CDH18: variants seen among roughly 807,000 people sequenced by gnomAD.
The protein encoded by CDH18 is cadherin 18.
CDH18 carries 31 observed loss-of-function variants against 67.9 expected under a neutral mutation model. The ratio of observed to expected loss-of-function variants is 0.46; its 90% CI spans 0.34 to 0.62. The LOEUF (loss-of-function observed/expected upper bound fraction) is 0.62. Ranked by LOEUF, CDH18 falls within the 20% of genes least tolerant of loss-of-function variation. CDH18 has a pLI of 0.01. For missense variants in CDH18, 890 were observed against 975.5 expected, an observed-to-expected ratio of 0.91 and a Z score of 1.17; for synonymous variants, 362 against 347.2, an observed-to-expected ratio of 1.04 and a Z score of -0.48.
At chr5:19,993,879 A>C (rs907715472) in intron 2 of CDH18, among the ~76,000 whole-genome samples, 3 of 152,062 alleles carry the variant, frequency 2.0e-5, no homozygotes, top group African/African-American at 7.2e-5. Flanking sequence ...ATTTACGTAA[A>C]TTTTCATGTT....
chr5:19,579,143 C>T (rs80331386), intron 7 of CDH18, among the ~76,000 whole-genome samples: 2,711 of 152,016 alleles, frequency 0.018, 86 homozygotes, highest in African/African-American at 0.062. Context: ...TTATCTATCA[C>T]AGACTGAAAT....
At chr5:19,833,360 A>C (rs1344150048) in intron 3 of CDH18, among the ~76,000 whole-genome samples, 1 of 152,090 alleles carries the variant, frequency 6.6e-6, no homozygotes, top group Non-Finnish European at 1.5e-5. Context: ...TGATGTTTGC[A>C]TATCGATTTT....
At chr5:19,961,959 TA>T in intron 2 of CDH18, among the ~76,000 whole-genome samples, 1 of 152,078 alleles carries the variant, frequency 6.6e-6, no homozygotes, top group East Asian at 1.9e-4. Context: ...GTTTTTTAAA[TA>T]AAATTTGGAA....
At chr5:20,089,930 A>G (rs1017920828) in intron 2 of CDH18, among the ~76,000 whole-genome samples, 1 of 152,290 alleles carries the variant, frequency 6.6e-6, no homozygotes, top group Admixed American at 6.5e-5. Context: ...TTCTATTAAT[A>G]TCTTCTACAA....
At chr5:20,113,060 C>A in intron 2 of CDH18, among the ~76,000 whole-genome samples, 1 of 152,292 alleles carries the variant, frequency 6.6e-6, no homozygotes, top group East Asian at 1.9e-4. Flanking sequence ...AGACCCAGTT[C>A]TTTAGTTCTA....
chr5:20,441,904 A>G (rs1186573673), intron 1 of CDH18, among the ~76,000 whole-genome samples: 1 of 151,670 alleles, frequency 6.6e-6, no homozygotes, highest in Non-Finnish European at 1.5e-5. Context: ...TAAAATGATT[A>G]TTAAAAATAA....
At chr5:20,499,795 G>A (rs1022659789) in intron 1 of CDH18, among the ~76,000 whole-genome samples, 4 of 152,094 alleles carry the variant, frequency 2.6e-5, no homozygotes, top group Non-Finnish European at 4.4e-5. Flanking sequence ...ATCAATAAAT[G>A]TTCACGTGTG....
rs149545337 is a variant in CDH18 at position 19,731,280 on chromosome 5, T to C, written c.524-9814A>G. On this transcript the variant is annotated intron_variant, in intron 4 of 12. Coordinates refer to ENST00000382275, the MANE Select transcript of CDH18 (RefSeq NM_004934.5). Reference sequence around the variant, plus strand: ...CTGGCTAACATGGTGAAACCCTGTCTCTACTAAAAATACAAAAAAAATTAG... The same window carrying C: ...CTGGCTAACATGGTGAAACCCTGTCCCTACTAAAAATACAAAAAAAATTAG... Among the ~76,000 whole-genome samples, 1,448 of 152,100 alleles carry C rather than the reference T, an allele frequency of 9.5e-3. 25 individuals are homozygous for C. The highest frequency in any genetic ancestry group is 0.033 in the African/African-American group (1,370 of 41,482).
chr5:20,082,456 A>G (rs928424272), intron 2 of CDH18, among the ~76,000 whole-genome samples: 1 of 152,184 alleles, frequency 6.6e-6, no homozygotes, highest in Non-Finnish European at 1.5e-5. Flanking sequence ...ATTTTTTTCT[A>G]GTTATTAAGC....
At chr5:19,479,857 T>C (rs1739107744) in intron 12 of CDH18, among the ~76,000 whole-genome samples, 2 of 152,294 alleles carry the variant, frequency 1.3e-5, no homozygotes, top group South Asian at 2.1e-4. Flanking sequence ...ACATATCATA[T>C]AGTAACTTTA....
chr5:20,368,278 T>C (rs1262700555), intron 1 of CDH18, among the ~76,000 whole-genome samples: 2 of 152,226 alleles, frequency 1.3e-5, no homozygotes, highest in Non-Finnish European at 2.9e-5. Context: ...TGGAGCTACA[T>C]TTTTTAATTA....
At chr5:20,041,796 A>G (rs1182292884) in intron 2 of CDH18, among the ~76,000 whole-genome samples, 1 of 152,244 alleles carries the variant, frequency 6.6e-6, no homozygotes, top group Non-Finnish European at 1.5e-5. Flanking sequence ...TTGCAATGCC[A>G]GTACATTAAA....
At chr5:20,390,750 A>G (rs192356373) in intron 1 of CDH18, among the ~76,000 whole-genome samples, 41 of 152,328 alleles carry the variant, frequency 2.7e-4, no homozygotes, top group African/African-American at 9.9e-4. Flanking sequence ...ATGTCCATCA[A>G]TGATAGACTG....
intron 1 of CDH18, among the ~76,000 whole-genome samples, chr5:20,398,612 T>C (rs1167348160): frequency 6.6e-6 from 1 of 152,126 alleles, no homozygotes; most frequent in Non-Finnish European, 1.5e-5. Flanking sequence ...ATGGCACATG[T>C]ATACCTATGT....
At chr5:20,493,395 TTTTTG>T (rs1359213316) in intron 1 of CDH18, among the ~76,000 whole-genome samples, 3 of 124,732 alleles carry the variant, frequency 2.4e-5, no homozygotes, top group African/African-American at 8.3e-5. Context: ...AGCAAAGAAT[TTTTTG>T]TTTTATTTTT....
intron 3 of CDH18, among the ~76,000 whole-genome samples, chr5:19,834,388 TTATTA>T (rs1781387605): frequency 6.6e-6 from 1 of 152,108 alleles, no homozygotes; most frequent in South Asian, 2.1e-4. Flanking sequence ...TTATCATTTT[TTATTA>T]TATCTATTTG....
At chr5:20,451,283 T>C (rs1039243971) in intron 1 of CDH18, among the ~76,000 whole-genome samples, 9 of 152,206 alleles carry the variant, frequency 5.9e-5, no homozygotes, top group Admixed American at 2.6e-4. Context: ...GTTGAATGAA[T>C]ACATATTTGT....
intron 3 of CDH18, among the ~76,000 whole-genome samples, chr5:19,797,913 G>T (rs1285426259): frequency 6.6e-6 from 1 of 152,034 alleles, no homozygotes; most frequent in Non-Finnish European, 1.5e-5. Flanking sequence ...ATTACTCTTT[G>T]ATATTAATGC....
chr5:19,631,231 G>A (rs567749664), intron 5 of CDH18, among the ~76,000 whole-genome samples: 9 of 152,026 alleles, frequency 5.9e-5, no homozygotes, highest in African/African-American at 1.2e-4. Flanking sequence ...AATATTTCAC[G>A]CATATGAATA....
Sources: allele counts gnomAD v4.1 joint callset (sites outside exome capture counted in the v4.1 genomes callset), GRCh38; gene constraint gnomAD v4.1.1; transcripts MANE v1.5; gene names NCBI Gene and HGNC (gene_info 2026-07-23, HGNC 2026-07-21).